Variants in CSMD1 observed in about 807,000 individuals in gnomAD.
CSMD1 encodes CUB and Sushi multiple domains 1.
In CSMD1, 213 loss-of-function variants were observed where a neutral mutation model predicts 417.5. That is an observed-to-expected ratio of 0.51 (90% CI 0.46 to 0.57). The LOEUF (loss-of-function observed/expected upper bound fraction) is 0.57. Among genes scored for constraint, CSMD1 ranks in the 20% least tolerant of loss-of-function variants. The probability of loss-of-function intolerance (pLI) is 0.00; values close to 1 mark genes in which losing one functional copy is unlikely to be tolerated. For missense variants in CSMD1, 6,923 were observed against 4,529.7 expected, an observed-to-expected ratio of 1.53 and a Z score of -15.17; for synonymous variants, 2,862 against 1,736.8, an observed-to-expected ratio of 1.65 and a Z score of -16.11.
intron 10 of CSMD1, among the ~76,000 whole-genome samples, chr8:3,500,699 G>C (rs1406599648): frequency 6.6e-6 from 1 of 152,190 alleles, no homozygotes; most frequent in Non-Finnish European, 1.5e-5. Context: ...CTAAGAATGT[G>C]AATTAGATGA....
intron 3 of CSMD1, among the ~76,000 whole-genome samples, chr8:4,169,399 G>A (rs150385125): frequency 5.3e-4 from 81 of 152,210 alleles, no homozygotes; most frequent in African/African-American, 2.0e-3. Context: ...ATGAGGCATT[G>A]TAAATACTCG....
chr8:3,084,870 G>A (rs1814408450), intron 49 of CSMD1, among the ~76,000 whole-genome samples: 1 of 151,692 alleles, frequency 6.6e-6, no homozygotes, highest in Non-Finnish European at 1.5e-5. Flanking sequence ...CAACTTTAAT[G>A]TTCAAAAATC....
chr8:3,089,210 G>C (rs1814754203), intron 48 of CSMD1, among the ~76,000 whole-genome samples: 1 of 152,238 alleles, frequency 6.6e-6, no homozygotes, highest in South Asian at 2.1e-4. Context: ...CCTCGGAAAA[G>C]CTGGGATATA....
intron 1 of CSMD1, among the ~76,000 whole-genome samples, chr8:4,962,866 G>A (rs1013681150): frequency 1.1e-4 from 17 of 152,166 alleles, no homozygotes; most frequent in Admixed American, 1.1e-3. Context: ...TAAATGCAGA[G>A]GCACTGCCAC....
At chr8:4,299,712 C>A (rs529245391) in intron 3 of CSMD1, among the ~76,000 whole-genome samples, 86 of 152,210 alleles carry the variant, frequency 5.7e-4, no homozygotes, top group Non-Finnish European at 1.1e-3. Context: ...CTCACTGCAA[C>A]CCCTGACTCC....
chr8:3,007,727 C>A (rs1808055592), intron 52 of CSMD1, among the ~76,000 whole-genome samples: 1 of 139,866 alleles, frequency 7.1e-6, no homozygotes, highest in Middle Eastern at 4.3e-3. Flanking sequence ...ACAGTGAGAT[C>A]ACATGGACAC....
intron 39 of CSMD1, among the ~76,000 whole-genome samples, chr8:3,153,878 T>C (rs1819351957): frequency 6.6e-6 from 1 of 152,246 alleles, no homozygotes; most frequent in African/African-American, 2.4e-5. Context: ...GGTAATCCTT[T>C]GTTTTTGATG....
At chr8:4,483,751 A>C (rs2130147118) in intron 2 of CSMD1, among the ~76,000 whole-genome samples, 1 of 152,376 alleles carries the variant, frequency 6.6e-6, no homozygotes, top group East Asian at 1.9e-4. Flanking sequence ...AATCCTGAAC[A>C]AAATAAATAA....
At chr8:4,892,355 A>G (rs1321933601) in intron 1 of CSMD1, among the ~76,000 whole-genome samples, 2 of 152,128 alleles carry the variant, frequency 1.3e-5, no homozygotes, top group Non-Finnish European at 2.9e-5. Context: ...ACAGCAAGAA[A>G]AATGGTGTGA....
At chr8:4,626,851 C>T (rs985399624) in intron 2 of CSMD1, among the ~76,000 whole-genome samples, 1 of 152,052 alleles carries the variant, frequency 6.6e-6, no homozygotes, top group African/African-American at 2.4e-5. Context: ...TAAGCAAGAA[C>T]GATATAAGCA....
intron 11 of CSMD1, among the ~76,000 whole-genome samples, chr8:3,491,727 A>G (rs890679253): frequency 1.3e-5 from 2 of 152,204 alleles, no homozygotes; most frequent in African/African-American, 4.8e-5. Context: ...ATCAATAAAT[A>G]AGGGGATAAG....
chr8:4,198,617 A>T (rs1799474836), intron 3 of CSMD1, among the ~76,000 whole-genome samples: 1 of 152,156 alleles, frequency 6.6e-6, no homozygotes, highest in South Asian at 2.1e-4. Context: ...GTCTTTAAGC[A>T]TATAGATCGA....
intron 1 of CSMD1, among the ~76,000 whole-genome samples, chr8:4,818,016 C>T (rs960490700): frequency 6.6e-6 from 1 of 152,140 alleles, no homozygotes; most frequent in Non-Finnish European, 1.5e-5. Context: ...TAATAAGGTT[C>T]AGTCAGCGTC....
At chr8:4,264,514 G>T (rs139088227) in intron 3 of CSMD1, among the ~76,000 whole-genome samples, 2 of 152,050 alleles carry the variant, frequency 1.3e-5, no homozygotes, top group East Asian at 1.9e-4. Flanking sequence ...TACCCCCCCT[G>T]AAGCTGAGAA....
chr8:4,133,052 C>G (rs977156656), intron 3 of CSMD1, among the ~76,000 whole-genome samples: 1 of 152,118 alleles, frequency 6.6e-6, no homozygotes, highest in Non-Finnish European at 1.5e-5. Flanking sequence ...TTTTCTGCCT[C>G]AGCCTCTTGA....
At chr8:4,476,949 A>G (rs1387481298) in intron 2 of CSMD1, among the ~76,000 whole-genome samples, 1 of 152,218 alleles carries the variant, frequency 6.6e-6, no homozygotes, top group Admixed American at 6.5e-5. Context: ...AGGTAGGTAA[A>G]GAAAAGCATG....
chr8:4,165,797 G>T (rs1797423934), intron 3 of CSMD1, among the ~76,000 whole-genome samples: 2 of 152,194 alleles, frequency 1.3e-5, no homozygotes, highest in Non-Finnish European at 2.9e-5. Flanking sequence ...TGTCACTCCA[G>T]CCGCATTATG....
At chr8:4,311,809 G>C (rs1270946734) in intron 3 of CSMD1, among the ~76,000 whole-genome samples, 4 of 151,892 alleles carry the variant, frequency 2.6e-5, no homozygotes, top group East Asian at 3.9e-4. Context: ...CTAGGGCCTA[G>C]TGGATGGTGG....
chr8:3,456,303 G>GCTGCACCTACTGTC (rs1816130010), intron 12 of CSMD1, among the ~76,000 whole-genome samples: 1 of 37,594 alleles, frequency 2.7e-5, no homozygotes, highest in Non-Finnish European at 5.1e-5. Flanking sequence ...TGCTTTGTGT[G>GCTGCACCTACTGTC]CTGCACCCAC....
Sources: gnomAD v4.1 joint callset for allele counts (sites outside exome capture counted in the v4.1 genomes callset) on GRCh38, gnomAD v4.1.1 for gene constraint, MANE v1.5 for transcripts, NCBI Gene and HGNC (gene_info 2026-07-23, HGNC 2026-07-21) for gene names.